The following KCNH1 variants were observed in gnomAD, a reference collection of about 807,000 sequenced individuals.
KCNH1 encodes the protein potassium voltage-gated channel subfamily H member 1.
KCNH1 carries 27 observed loss-of-function variants against 69.2 expected under a neutral mutation model. The observed-to-expected ratio is 0.39, with a 90% CI of 0.29 to 0.54. The LOEUF (loss-of-function observed/expected upper bound fraction) is 0.54. KCNH1 is among the 20% of genes least tolerant of loss of function. The pLI is 0.68. For synonymous variants in KCNH1, 456 were observed against 487.7 expected, an observed-to-expected ratio of 0.93 and a Z score of 0.86; for missense variants, 798 against 1,261.6, an observed-to-expected ratio of 0.63 and a Z score of 5.57.
chr1:210,941,017 T>A (rs1687866629), intron 6 of KCNH1, among the ~76,000 whole-genome samples: 1 of 152,196 alleles, frequency 6.6e-6, no homozygotes, highest in Non-Finnish European at 1.5e-5. Context: ...GGGGGTTGCA[T>A]CTATAGGCAT....
intron 7 of KCNH1, among the ~76,000 whole-genome samples, chr1:210,905,453 T>C (rs1321877241): frequency 6.6e-5 from 10 of 152,078 alleles, no homozygotes; most frequent in South Asian, 4.1e-4. Flanking sequence ...TCTCCTCCCT[T>C]AGTCTGATCA....
intron 10 of KCNH1, among the ~76,000 whole-genome samples, chr1:210,743,457 G>A (rs1683083063): frequency 6.6e-6 from 1 of 152,152 alleles, no homozygotes; most frequent in Non-Finnish European, 1.5e-5. Context: ...AGAAAGACTG[G>A]GATTCTCCAT....
chr1:210,910,087 C>CA (rs1046838932), intron 7 of KCNH1, among the ~76,000 whole-genome samples: 7 of 135,640 alleles, frequency 5.2e-5, no homozygotes, highest in Non-Finnish European at 7.9e-5. Flanking sequence ...CATCAAGCAC[C>CA]AAAAAAAAAT....
At chr1:210,950,041 C>A (rs986041866) in intron 6 of KCNH1, among the ~76,000 whole-genome samples, 1 of 152,084 alleles carries the variant, frequency 6.6e-6, no homozygotes, top group East Asian at 1.9e-4. Flanking sequence ...ACAAAGAGAA[C>A]AAGAACAAAA....
At chr1:210,720,588 G>C (rs764164964) in intron 10 of KCNH1, among the ~76,000 whole-genome samples, 10 of 152,126 alleles carry the variant, frequency 6.6e-5, no homozygotes, top group Non-Finnish European at 1.2e-4. Context: ...ATATATAATG[G>C]GTTAACTTGA....
chr1:211,062,116 A>T (rs946291322), intron 5 of KCNH1, among the ~76,000 whole-genome samples: 1 of 152,284 alleles, frequency 6.6e-6, no homozygotes. Flanking sequence ...ATAAAAACAG[A>T]CACATAGACC....
chr1:210,861,455 T>C, intron 7 of KCNH1: 1 of 776,222 alleles, frequency 1.3e-6, no homozygotes, highest in East Asian at 2.4e-5. Flanking sequence ...AGAGCTTCCA[T>C]ATCTTTCAAA....
Position 210,917,275 on chromosome 1 carries a change from G to GAAAGAAAGA in KCNH1, c.1462+2364_1462+2365insTCTTTCTTT, listed in dbSNP as rs1553359771. On this transcript the variant is annotated intron_variant, in intron 7 of 10. Coordinates refer to ENST00000271751, the MANE Select transcript of KCNH1 (RefSeq NM_172362.3). Reference sequence around the variant, plus strand: ...AGAAAGAAAGAAAGAAAGAAAGAAAGAAAGAAAAGAAAAGAAAGAGAAACA... The same window carrying GAAAGAAAGA: ...AGAAAGAAAGAAAGAAAGAAAGAAAGAAAGAAAGAAAAGAAAAGAAAAGAAAGAGAAACA... Among the ~76,000 whole-genome samples the GAAAGAAAGA allele has an allele frequency of 3.7e-3, 534 of 142,832 alleles. 2 individuals are homozygous for GAAAGAAAGA. Among genetic ancestry groups the GAAAGAAAGA allele is most frequent in the African/African-American group, 0.013 (487 of 37,422 alleles). 93.7% of individuals were successfully genotyped at this position (142,832 alleles called of 152,430 possible).
chr1:210,916,283 G>A (rs1687331826), intron 7 of KCNH1, among the ~76,000 whole-genome samples: 1 of 152,154 alleles, frequency 6.6e-6, no homozygotes, highest in Non-Finnish European at 1.5e-5. Flanking sequence ...AACGCATTAC[G>A]CCAAGTGCAG....
intron 5 of KCNH1, among the ~76,000 whole-genome samples, chr1:211,040,329 G>A (rs1343981670): frequency 6.6e-6 from 1 of 152,106 alleles, no homozygotes; most frequent in Non-Finnish European, 1.5e-5. Context: ...AACTTGAATT[G>A]TATCTCCCAG....
chr1:210,770,390 C>G (rs1409749281), intron 10 of KCNH1, among the ~76,000 whole-genome samples: 1 of 152,168 alleles, frequency 6.6e-6, no homozygotes, highest in Non-Finnish European at 1.5e-5. Flanking sequence ...TGCCAAAAAC[C>G]TAATTAGGAA....
intron 9 of KCNH1, among the ~76,000 whole-genome samples, chr1:210,789,237 C>G (rs2102390075): frequency 6.6e-6 from 1 of 152,316 alleles, no homozygotes; most frequent in Non-Finnish European, 1.5e-5. Context: ...GTGGGGTACC[C>G]CCTCCTCTCC....
intron 6 of KCNH1, among the ~76,000 whole-genome samples, chr1:210,965,158 A>G (rs1459430576): frequency 6.6e-6 from 1 of 152,190 alleles, no homozygotes; most frequent in Non-Finnish European, 1.5e-5. Flanking sequence ...GAATGGGCAA[A>G]AACTGGAAGC....
At chr1:210,850,734 A>T (rs922630411) in intron 7 of KCNH1, among the ~76,000 whole-genome samples, 17 of 152,206 alleles carry the variant, frequency 1.1e-4, no homozygotes, top group African/African-American at 4.1e-4. Flanking sequence ...AGGCAGAACA[A>T]TGCCACTCTA....
intron 7 of KCNH1, among the ~76,000 whole-genome samples, chr1:210,826,116 A>G (rs896935937): frequency 4.6e-5 from 7 of 152,288 alleles, no homozygotes; most frequent in Admixed American, 3.3e-4. Flanking sequence ...CATTTTCACA[A>G]AAGTATTAGT....
intron 5 of KCNH1, among the ~76,000 whole-genome samples, chr1:211,022,825 C>T (rs1479145897): frequency 6.6e-6 from 1 of 151,902 alleles, no homozygotes; most frequent in Non-Finnish European, 1.5e-5. Flanking sequence ...AAAAAAAGTG[C>T]TGATGGCCAG....
At chr1:211,110,680 A>G (rs1013816748) in intron 1 of KCNH1, among the ~76,000 whole-genome samples, 1 of 152,214 alleles carries the variant, frequency 6.6e-6, no homozygotes, top group Non-Finnish European at 1.5e-5. Context: ...AAAGAGAACA[A>G]TGATGAAGCA....
chr1:210,891,090 C>T (rs567776582), intron 7 of KCNH1, among the ~76,000 whole-genome samples: 3 of 152,252 alleles, frequency 2.0e-5, no homozygotes, highest in African/African-American at 7.2e-5. Flanking sequence ...CACACGCACA[C>T]GTATGTTTAT....
chr1:211,092,663 A>G (rs1218693821), intron 3 of KCNH1, among the ~76,000 whole-genome samples: 6 of 152,168 alleles, frequency 3.9e-5, no homozygotes, highest in African/African-American at 1.4e-4. Context: ...AGTATGTATT[A>G]CTATTCCTCC....
Sources: gnomAD v4.1 joint callset for allele counts (sites outside exome capture counted in the v4.1 genomes callset) on GRCh38, gnomAD v4.1.1 for gene constraint, MANE v1.5 for transcripts, NCBI Gene and HGNC (gene_info 2026-07-23, HGNC 2026-07-21) for gene names.